Variants in MAP3K19 observed in about 807,000 individuals in gnomAD.
MAP3K19 encodes the protein mitogen-activated protein kinase kinase kinase 19, also known as SPS1/STE20-related protein kinase YSK4.
A neutral mutation model predicts 114.4 loss-of-function variants in MAP3K19; 91 were observed. The ratio of observed to expected loss-of-function variants is 0.80; its 90% CI spans 0.67 to 0.95. The LOEUF is 0.95. Ranked by LOEUF, MAP3K19 falls within the 40% of genes least tolerant of loss-of-function variation. The probability of loss-of-function intolerance (pLI) is 0.00; values close to 1 mark genes in which losing one functional copy is unlikely to be tolerated. For synonymous variants in MAP3K19, 518 were observed against 530.5 expected (o/e 0.98, Z 0.32); for missense variants, 1,471 against 1,573.2 (o/e 0.94, Z 1.10).
intron 1 of MAP3K19, among the ~76,000 whole-genome samples, chr2:135,046,577 A>G (rs371128999): frequency 6.6e-6 from 1 of 152,078 alleles, no homozygotes; most frequent in African/African-American, 2.4e-5. Flanking sequence ...TGCCCGCCCC[A>G]TTTAGAACTG....
chr2:134,997,073 A>G (rs1167902928), intron 8 of MAP3K19, among the ~76,000 whole-genome samples: 1 of 152,156 alleles, frequency 6.6e-6, no homozygotes, highest in Non-Finnish European at 1.5e-5. Flanking sequence ...ACAAACAAAC[A>G]AACAAAAAAC....
At chr2:134,973,669 C>G (rs191157499) in intron 12 of MAP3K19, among the ~76,000 whole-genome samples, 171 of 151,504 alleles carry the variant, frequency 1.1e-3, no homozygotes, top group Admixed American at 1.9e-3. Context: ...TTGTTTGTTT[C>G]TTTCTTTCTT....
chr2:135,044,873 A>G (rs1279802356), intron 1 of MAP3K19, among the ~76,000 whole-genome samples: 3 of 152,174 alleles, frequency 2.0e-5, no homozygotes, highest in South Asian at 2.1e-4. Flanking sequence ...GTTATATTAC[A>G]TTGGTTTTTA....
chr2:135,013,347 G>C (rs906387517), intron 5 of MAP3K19, among the ~76,000 whole-genome samples: 3 of 150,798 alleles, frequency 2.0e-5, no homozygotes, highest in African/African-American at 7.3e-5. Context: ...AGAAGAACAA[G>C]GTATAGGGAT....
At chr2:135,001,355 T>C (rs961609126) in intron 6 of MAP3K19, among the ~76,000 whole-genome samples, 1 of 152,244 alleles carries the variant, frequency 6.6e-6, no homozygotes, top group African/African-American at 2.4e-5. Context: ...TTCCCTGGAA[T>C]AGTCCATTGT....
chr2:135,013,316 A>G (rs2105341833), intron 5 of MAP3K19, among the ~76,000 whole-genome samples: 1 of 146,144 alleles, frequency 6.8e-6, no homozygotes, highest in South Asian at 2.2e-4. Context: ...CGTCCCAAAA[A>G]AAAAAAAAAG....
At chr2:135,037,873 C>T (rs10167901) in intron 2 of MAP3K19, among the ~76,000 whole-genome samples, 40,316 of 151,978 alleles carry the variant, frequency 0.27, 7,210 homozygotes, top group African/African-American at 0.49. Context: ...CACAAAACTG[C>T]TAAAATTCTG....
chr2:135,021,851 G>C, intron 4 of MAP3K19, 21 bp from the exon 5 acceptor site: 3 of 1,434,818 alleles, frequency 2.1e-6, no homozygotes, highest in Non-Finnish European at 2.9e-6. Context: ...AAACATAATA[G>C]TATGTTTTGA....
chr2:135,000,082 A>G lies in MAP3K19; in HGVS notation c.236-67T>C, dbSNP rs74501008. 5.0e-4 allele frequency: 529 copies of G among 1,057,900 alleles called. 2 individuals are homozygous for G. In the African/African-American group the frequency reaches 7.4e-3, roughly 15 times the overall value. The allele number at this position is 1,057,900 out of a possible 1,614,324, so 65.5% of individuals were successfully genotyped here. A position where few individuals can be genotyped will look rare whatever the true frequency, so the allele number is the denominator to read the frequency against. ...AATTCCAGCGGAAAGCGGGAGACGT[A>G]CTTTATTTCTGTTTGGCTAATCTCT... On this transcript the variant is annotated intron_variant, in intron 6 of 12. Coordinates refer to ENST00000392915, the MANE Select transcript of MAP3K19 (RefSeq NM_025052.5).
In MAP3K19 at chr2:134,988,055, T is replaced by A; in HGVS notation, c.817A>T (p.Met273Leu). Residue 273 changes from methionine (M) to leucine (L), a missense_variant, in exon 10 of 13, where the codon ATG (methionine) becomes TTG (leucine). Coordinates refer to ENST00000392915, the MANE Select transcript of MAP3K19 (RefSeq NM_025052.5). ...TCAGAAGACCTGAGAGTCGGATCCA[T>A]CAACGACTTAACTAGGGCTCCCGGA... Reference protein sequence around the residue: ...EPPGALVKSLMDPTLRSSDGF... With the variant: ...EPPGALVKSLLDPTLRSSDGF... 6.2e-7 allele frequency: 1 copy of A among 1,613,820 alleles called. No homozygotes were observed. The highest frequency in any genetic ancestry group is 8.5e-7 in the Non-Finnish European group (1 of 1,179,850).
chr2:134,965,311 T>C (rs16831216), intron 12 of MAP3K19, among the ~76,000 whole-genome samples: 3,300 of 152,330 alleles, frequency 0.022, 144 homozygotes, highest in East Asian at 0.14. Context: ...ACTTTTAAAA[T>C]TCAGAAGCAT....
At position 134,964,693 on chromosome 2, in the gene MAP3K19, T is replaced by C. The variant is rs1408922532; in HGVS notation, c.*157A>G. On this transcript the variant is annotated 3_prime_UTR_variant, in exon 13 of 13. Transcript: ENST00000392915. ...TGTCTGACACTTGAGGAGGCTAATA[T>C]GTAACTGCAACTTTCAGTTAATGAC... The C allele has an allele frequency of 1.9e-6, 1 of 517,416 alleles. No individual in the cohort carries two copies. The highest frequency in any genetic ancestry group is 3.6e-6 in the Non-Finnish European group (1 of 281,180). 32.1% of individuals were successfully genotyped at this position (517,416 alleles called of 1,614,324 possible). A position where few individuals can be genotyped will look rare whatever the true frequency, so the allele number is the denominator to read the frequency against.
rs1451481727 is a variant in MAP3K19, at chr2:134,983,703, C to A, written c.3195G>T (p.Glu1065Asp). The A allele has an allele frequency of 5.1e-6, 8 of 1,578,078 alleles. No individual in the cohort carries two copies. The highest frequency in any genetic ancestry group is 1.7e-4 in the Middle Eastern group (1 of 5,766). Residue 1065 changes from glutamate (E) to aspartate (D), a missense_variant, in exon 11 of 13, where the codon GAG (glutamate) becomes GAT (aspartate). Physicochemically the swap from Glu to Asp is conservative, Grantham distance 45. Coordinates refer to ENST00000392915, the MANE Select transcript of MAP3K19 (RefSeq NM_025052.5). ...SEEPILWTKG[E>D]ILGKGAYGTV... Reference sequence around the variant, plus strand: ...TGCCGTAGGCTCCCTTTCCAAGAATCTCACCCTTGGTCCATAGGATAGGTT... The same window carrying A: ...TGCCGTAGGCTCCCTTTCCAAGAATATCACCCTTGGTCCATAGGATAGGTT...
intron 2 of MAP3K19, among the ~76,000 whole-genome samples, 189 bp downstream of exon 2, chr2:135,040,174 G>A (rs546810407): frequency 6.6e-6 from 1 of 152,274 alleles, no homozygotes; most frequent in Non-Finnish European, 1.5e-5. Context: ...AATATTTGTG[G>A]ACCGAGTGAG....
chr2:135,024,395 T>C (rs1688170513), intron 4 of MAP3K19, among the ~76,000 whole-genome samples: 1 of 152,220 alleles, frequency 6.6e-6, no homozygotes, highest in African/African-American at 2.4e-5. Context: ...CTCTGACTTA[T>C]GTGATGTGCC....
intron 3 of MAP3K19, among the ~76,000 whole-genome samples, chr2:135,025,675 C>T (rs1182689159): frequency 1.3e-5 from 2 of 151,786 alleles, no homozygotes; most frequent in Admixed American, 1.3e-4. Context: ...CGTGAGCCAC[C>T]GCGCCCAGCC....
chr2:135,043,048 G>A (rs527567744), intron 1 of MAP3K19, among the ~76,000 whole-genome samples: 5 of 151,846 alleles, frequency 3.3e-5, no homozygotes, highest in East Asian at 3.9e-4. Context: ...AAACCACTGC[G>A]CTCCAGCCTG....
At chr2:135,000,120 C>CA in intron 6 of MAP3K19, 105 bp from the exon 7 acceptor site, 1 of 750,154 alleles carries the variant, frequency 1.3e-6, no homozygotes, top group South Asian at 1.6e-5. Flanking sequence ...TTAATGATTA[C>CA]AAAATGGACA....
intron 2 of MAP3K19, among the ~76,000 whole-genome samples, chr2:135,035,067 CT>C (rs1369460575): frequency 1.9e-3 from 285 of 152,232 alleles, no homozygotes; most frequent in Admixed American, 4.4e-3. Flanking sequence ...AGACCACATA[CT>C]ATATGATTCC....
Sources: allele counts gnomAD v4.1 joint callset (sites outside exome capture counted in the v4.1 genomes callset), GRCh38; gene constraint gnomAD v4.1.1; transcripts MANE v1.5; gene names NCBI Gene and HGNC (gene_info 2026-07-23, HGNC 2026-07-21).